Variants in RNF180 observed in about 807,000 individuals in gnomAD.
RNF180 encodes ring finger protein 180, also known as E3 ubiquitin-protein ligase RNF180.
A neutral mutation model predicts 59.2 loss-of-function variants in RNF180; 38 were observed. The observed-to-expected ratio is 0.64, with a 90% CI of 0.50 to 0.84. The LOEUF is 0.84. Among genes scored for constraint, RNF180 ranks in the 40% least tolerant of loss-of-function variants. The pLI is 0.00. For synonymous variants in RNF180, 262 were observed against 240.3 expected (o/e 1.09, Z -0.84); for missense variants, 705 against 700.9 (o/e 1.01, Z -0.07).
At chr5:64,175,375 G>A (rs1750180256) in intron 1 of RNF180, among the ~76,000 whole-genome samples, 1 of 152,120 alleles carries the variant, frequency 6.6e-6, no homozygotes, top group South Asian at 2.1e-4. Context: ...TTATTTAAGA[G>A]ACAGTCCTTT....
chr5:64,183,727 C>T (rs757029631), intron 1 of RNF180, among the ~76,000 whole-genome samples: 14 of 152,146 alleles, frequency 9.2e-5, no homozygotes, highest in Non-Finnish European at 1.6e-4. Context: ...GGGTTACAGG[C>T]GTGAGCCACT....
intron 5 of RNF180, among the ~76,000 whole-genome samples, chr5:64,297,966 A>G (rs993058883): frequency 6.6e-6 from 1 of 152,026 alleles, no homozygotes; most frequent in Non-Finnish European, 1.5e-5. Context: ...AATGTGTGTC[A>G]CGGGGGTTTG....
chr5:64,186,445 T>C (rs1750879397), intron 1 of RNF180, among the ~76,000 whole-genome samples: 1 of 152,086 alleles, frequency 6.6e-6, no homozygotes, highest in Non-Finnish European at 1.5e-5. Flanking sequence ...GACCTCAGGC[T>C]CAAGTCTTTA....
chr5:64,285,102 C>T (rs1005755376), intron 5 of RNF180, among the ~76,000 whole-genome samples: 4 of 152,226 alleles, frequency 2.6e-5, no homozygotes, highest in African/African-American at 9.7e-5. Context: ...CAGCTCAGCA[C>T]TCCTGGGCTA....
intron 5 of RNF180, among the ~76,000 whole-genome samples, chr5:64,223,439 G>C (rs1175002624): frequency 2.0e-5 from 3 of 152,106 alleles, no homozygotes; most frequent in Non-Finnish European, 2.9e-5. Context: ...TATTCTGCCT[G>C]CCTCACCTTT....
intron 5 of RNF180, among the ~76,000 whole-genome samples, chr5:64,238,006 G>C (rs959706143): frequency 6.6e-6 from 1 of 152,122 alleles, no homozygotes; most frequent in Non-Finnish European, 1.5e-5. Flanking sequence ...GTCTCAGGTA[G>C]TATCTTTATA....
At chr5:64,311,423 T>A (rs1743759864) in intron 5 of RNF180, among the ~76,000 whole-genome samples, 1 of 151,944 alleles carries the variant, frequency 6.6e-6, no homozygotes, top group South Asian at 2.1e-4. Context: ...CAAAGTCCTA[T>A]GGTTTCCTGC....
In RNF180 at chr5:64,214,216, T is replaced by C. The variant is rs1752489531; in HGVS notation, c.890T>C (p.Val297Ala). 7 of 1,614,134 alleles carry C rather than the reference T, an allele frequency of 4.3e-6. No individual in the cohort carries two copies. Among genetic ancestry groups the C allele is most frequent in the Non-Finnish European group, 5.9e-6 (7 of 1,180,020 alleles). Reference protein sequence around the residue: ...DPSMLLQRFSVAPHETQTQRG... With the variant: ...DPSMLLQRFSAAPHETQTQRG... ...AGTATGCTGCTGCAAAGATTTTCAG[T>C]GGCCCCCCATGAGACCCAGACACAA... The change falls in exon 4 of 8, where the codon GTG (valine) becomes GCG (alanine). Residue 297 changes from valine (V) to alanine (A), a missense_variant. Val to Ala is a moderately conservative substitution (Grantham distance 64, BLOSUM62 0). Coordinates refer to ENST00000389100, the MANE Select transcript of RNF180 (RefSeq NM_001113561.2).
chr5:64,338,706 G>A (rs1407536658), intron 7 of RNF180, among the ~76,000 whole-genome samples: 1 of 151,398 alleles, frequency 6.6e-6, no homozygotes, highest in Non-Finnish European at 1.5e-5. Flanking sequence ...TTCTTGGTAA[G>A]TACCCTTCAT....
At chr5:64,306,415 T>G (rs1282428600) in intron 5 of RNF180, among the ~76,000 whole-genome samples, 1 of 151,600 alleles carries the variant, frequency 6.6e-6, no homozygotes, top group Non-Finnish European at 1.5e-5. Context: ...ATAAAATACA[T>G]AGGCTAGCCA....
At chr5:64,170,289 A>G (rs114261833) in intron 1 of RNF180, among the ~76,000 whole-genome samples, 184 of 152,310 alleles carry the variant, frequency 1.2e-3, no homozygotes, top group African/African-American at 4.3e-3. Flanking sequence ...TTTTGGTACA[A>G]TCCTGTCTTA....
intron 7 of RNF180, among the ~76,000 whole-genome samples, chr5:64,344,141 A>G (rs898718987): frequency 3.9e-5 from 6 of 152,098 alleles, no homozygotes; most frequent in African/African-American, 1.4e-4. Flanking sequence ...TTAAAAATTC[A>G]TACTAAAATA....
intron 1 of RNF180, among the ~76,000 whole-genome samples, chr5:64,173,717 C>CTT (rs113698456): frequency 2.8e-4 from 39 of 140,058 alleles, no homozygotes; most frequent in Admixed American, 6.5e-4. Flanking sequence ...ATAGCATCAA[C>CTT]TTTTTTTTTT....
chr5:64,243,677 A>G lies in RNF180; in HGVS notation c.1227+26281A>G, dbSNP rs1742966806. ...TGTGGGCACAGCTTCAGCAGACTGA[A>G]ACGTTCCTGCCTGCCAGCTCTGAAG... On this transcript the variant is annotated intron_variant, in intron 5 of 7. Transcript: ENST00000389100. 2.6e-5 allele frequency among the ~76,000 whole-genome samples: 4 copies of G among 152,146 alleles called. 1 individual carries two copies. The South Asian group carries it at 8.3e-4, about 32-fold the overall frequency.
chr5:64,281,197 C>G (rs1297780134), intron 5 of RNF180, among the ~76,000 whole-genome samples: 1 of 152,118 alleles, frequency 6.6e-6, no homozygotes, highest in Admixed American at 6.5e-5. Context: ...GATCTAGGAG[C>G]TTTTGGGCAG....
chr5:64,181,120 C>T (rs1267941248), intron 1 of RNF180, among the ~76,000 whole-genome samples: 2 of 152,180 alleles, frequency 1.3e-5, no homozygotes, highest in South Asian at 2.1e-4. Context: ...ACTCAGCAAG[C>T]CTGCTCCTTC....
chr5:64,168,914 G>A (rs1012873065), intron 1 of RNF180, among the ~76,000 whole-genome samples: 4 of 152,158 alleles, frequency 2.6e-5, no homozygotes, highest in Admixed American at 6.5e-5. Flanking sequence ...AAAATAGAAT[G>A]CCATGCCCTA....
At chr5:64,247,200 C>A (rs1008013732) in intron 5 of RNF180, among the ~76,000 whole-genome samples, 2 of 152,146 alleles carry the variant, frequency 1.3e-5, no homozygotes, top group African/African-American at 4.8e-5. Flanking sequence ...CGAAAACCAG[C>A]ACAAGACAAG....
At chr5:64,360,839 C>T (rs1746226181) in intron 7 of RNF180, among the ~76,000 whole-genome samples, 1 of 151,574 alleles carries the variant, frequency 6.6e-6, no homozygotes, top group South Asian at 2.1e-4. Context: ...ATACCTGAGC[C>T]TCATTTCCCA....
Sources: gnomAD v4.1 joint callset for allele counts (sites outside exome capture counted in the v4.1 genomes callset) on GRCh38, gnomAD v4.1.1 for gene constraint, MANE v1.5 for transcripts, NCBI Gene and HGNC (gene_info 2026-07-23, HGNC 2026-07-21) for gene names.